Variants in POMT2 observed in about 807,000 individuals in gnomAD.
POMT2 encodes the protein protein O-mannosyltransferase 2.
In POMT2, 75 loss-of-function variants were observed where a neutral mutation model predicts 100.0. That is an observed-to-expected ratio of 0.75 (90% CI 0.62 to 0.91). POMT2 has a LOEUF of 0.91. Among genes scored for constraint, POMT2 ranks in the 40% least tolerant of loss-of-function variants. The pLI, the probability that POMT2 is intolerant of heterozygous loss-of-function variation, is 0.00. For missense variants in POMT2, 940 were observed against 955.1 expected (o/e 0.98, Z 0.21); for synonymous variants, 378 against 374.1 (o/e 1.01, Z -0.12).
At position 77,288,758 on chromosome 14, in the gene POMT2, T is replaced by A. The variant is rs1323752812; in HGVS notation, c.1253+4A>T. ...TTATTTATCCAAACTGCAAATTGAC[T>A]TACTCTTTGTGTTCTAGTCGAATAA... On this transcript the variant is annotated splice_donor_region_variant and intron_variant, in intron 11 of 20. Coordinates refer to ENST00000261534, the MANE Select transcript of POMT2 (RefSeq NM_013382.7). 1 of 1,613,172 alleles carries A rather than the reference T, an allele frequency of 6.2e-7. No individual in the cohort carries two copies. Among genetic ancestry groups the A allele is most frequent in the Non-Finnish European group, 8.5e-7 (1 of 1,179,334 alleles).
chr14:77,312,166 A>C, intron 1 of POMT2, 133 bp from the exon 2 acceptor site: 1 of 1,411,094 alleles, frequency 7.1e-7, no homozygotes, highest in Non-Finnish European at 9.4e-7. Flanking sequence ...TTTAAAAAAA[A>C]AATATTTTGA....
In POMT2 at chr14:77,286,836, A is replaced by T; in HGVS notation, c.1254-14T>A. The T allele has an allele frequency of 6.2e-7, 1 of 1,614,200 alleles. No individual in the cohort carries two copies. The highest frequency in any genetic ancestry group is 8.5e-7 in the Non-Finnish European group (1 of 1,180,024). Reference sequence around the variant, plus strand: ...TTCCGGGAAGTTCTAGAAGTTAGAAAAGAGAAGTGTCATTATCCTATAGAA... The same window carrying T: ...TTCCGGGAAGTTCTAGAAGTTAGAATAGAGAAGTGTCATTATCCTATAGAA... On this transcript the variant is annotated splice_polypyrimidine_tract_variant and intron_variant, in intron 11 of 20. Coordinates refer to ENST00000261534, the MANE Select transcript of POMT2 (RefSeq NM_013382.7).
Position 77,277,278 on chromosome 14 carries a change from C to A in POMT2, c.*98G>T. 3 of 1,062,888 alleles carry A rather than the reference C, an allele frequency of 2.8e-6. No individual in the cohort carries two copies. In the Admixed American group the frequency reaches 5.7e-5, roughly 20 times the overall value. The allele number at this position is 1,062,888 out of a possible 1,614,324, so 65.8% of individuals were successfully genotyped here. A position where few individuals can be genotyped will look rare whatever the true frequency, so the allele number is the denominator to read the frequency against. ...GGTGAGCAGCAGAATTCTTCGGGCT[C>A]CTTAGGCAGCTTCCTCATGGCCGGA... On this transcript the variant is annotated 3_prime_UTR_variant, in exon 21 of 21. Coordinates refer to ENST00000261534, the MANE Select transcript of POMT2 (RefSeq NM_013382.7).
At chr14:77,320,357 CG>C (rs1891820912) in intron 1 of POMT2, 76 bp downstream of exon 1, 2 of 1,539,236 alleles carry the variant, frequency 1.3e-6, no homozygotes, top group African/African-American at 2.7e-5. Context: ...CCGCCCCCTC[CG>C]TACCCTCGGG....
chr14:77,314,205 G>A (rs75210224), intron 1 of POMT2, among the ~76,000 whole-genome samples: 31 of 152,272 alleles, frequency 2.0e-4, no homozygotes, highest in East Asian at 1.9e-3. Context: ...CTCCCTCTGA[G>A]ACAGAGGGCT....
intron 3 of POMT2, 21 bp from the exon 4 acceptor site, chr14:77,304,821 C>T (rs999282581): frequency 2.6e-6 from 4 of 1,567,884 alleles, no homozygotes; most frequent in Non-Finnish European, 3.5e-6. Flanking sequence ...AATAGAGAAG[C>T]TGTCAAATAA....
At chr14:77,278,936 G>A in intron 18 of POMT2, 67 bp from the exon 19 acceptor site, 1 of 1,543,756 alleles carries the variant, frequency 6.5e-7, no homozygotes, top group Middle Eastern at 1.7e-4. Context: ...CTCTGGTCCA[G>A]CTCTGCCCCT....
intron 13 of POMT2, 25 bp downstream of exon 13, chr14:77,285,456 G>A: frequency 6.2e-7 from 1 of 1,613,944 alleles, no homozygotes. Flanking sequence ...CCCTCGATTG[G>A]GACAGCAAAA....
At chr14:77,279,616 C>T (rs1337851861) in intron 18 of POMT2, 5 of 689,790 alleles carry the variant, frequency 7.2e-6, no homozygotes, top group Non-Finnish European at 1.1e-5. Context: ...TCATAATAGC[C>T]AACGCTCTAG....
chr14:77,303,930 G>A (rs1891141101), intron 4 of POMT2, among the ~76,000 whole-genome samples: 1 of 152,158 alleles, frequency 6.6e-6, no homozygotes, highest in Non-Finnish European at 1.5e-5. Flanking sequence ...GAGCTGGGTA[G>A]GTGCTTGAGA....
intron 1 of POMT2, among the ~76,000 whole-genome samples, chr14:77,315,259 A>T (rs1891583762): frequency 6.6e-6 from 1 of 152,132 alleles, no homozygotes; most frequent in Non-Finnish European, 1.5e-5. Flanking sequence ...ACCCTGAGGG[A>T]GCGACACTGG....
intron 20 of POMT2, 130 bp downstream of exon 20, chr14:77,278,264 G>C (rs921260297): frequency 1.5e-4 from 121 of 797,596 alleles, no homozygotes; most frequent in Non-Finnish European, 1.9e-4. Flanking sequence ...ACCTGGGCTT[G>C]GGTGACGCAG....
In POMT2 at chr14:77,278,709, T is replaced by C. The variant is rs1465166255; in HGVS notation, c.2032+20A>G. The C allele has an allele frequency of 6.2e-7, 1 of 1,613,510 alleles. No individual in the cohort carries two copies. The highest frequency in any genetic ancestry group is 1.7e-5 in the Admixed American group (1 of 60,016). On this transcript the variant is annotated intron_variant, in intron 19 of 20. Coordinates refer to ENST00000261534, the MANE Select transcript of POMT2 (RefSeq NM_013382.7). Reference sequence around the variant, plus strand: ...CCCTCCACCTGCTCTGTCTCCCAAGTCCAGGTGGGTGGCACTGACCTGTCA... The same window carrying C: ...CCCTCCACCTGCTCTGTCTCCCAAGCCCAGGTGGGTGGCACTGACCTGTCA...
In POMT2 at chr14:77,277,162, T is replaced by C; in HGVS notation, c.*214A>G. ...GGGAGCAGCCCAAGAGGCGCTGTCC[T>C]CTCCGTGGTGCTGTGGACGGAGCTG... is the stretch of plus-strand genomic sequence containing the variant. On this transcript the variant is annotated 3_prime_UTR_variant, in exon 21 of 21. Transcript: ENST00000261534. 1 of 584,906 alleles carries C rather than the reference T, an allele frequency of 1.7e-6. No homozygotes were observed. The highest frequency in any genetic ancestry group is 1.9e-5 in the South Asian group (1 of 52,912). The allele number at this position is 584,906 out of a possible 1,614,324, so 36.2% of individuals were successfully genotyped here.
At chr14:77,293,969 A>G (rs1890732794) in intron 9 of POMT2, among the ~76,000 whole-genome samples, 2 of 152,200 alleles carry the variant, frequency 1.3e-5, no homozygotes, top group Admixed American at 1.3e-4. Context: ...CTGGGTGTAC[A>G]TGACTTAGAA....
intron 1 of POMT2, 151 bp downstream of exon 1, chr14:77,320,283 C>A (rs8177535): frequency 1.1e-5 from 15 of 1,360,434 alleles, no homozygotes; most frequent in Non-Finnish European, 1.3e-5. Context: ...GAATGCACCT[C>A]GCCAGAGGCC....
At chr14:77,299,596 G>GT in intron 6 of POMT2, 35 bp from the exon 7 acceptor site, 1 of 1,485,126 alleles carries the variant, frequency 6.7e-7, no homozygotes, top group Non-Finnish European at 9.4e-7. Context: ...TGCTAGGCAT[G>GT]TGAGACCTCA....
In POMT2 at chr14:77,320,811, G is replaced by A. The variant is rs1481645121; in HGVS notation, c.-130C>T. 7.2e-7 allele frequency: 1 copy of A among 1,389,196 alleles called. No homozygotes were observed. Among genetic ancestry groups the A allele is most frequent in the Admixed American group, 3.4e-5 (1 of 28,998 alleles). 86.1% of individuals were successfully genotyped at this position (1,389,196 alleles called of 1,614,324 possible). On this transcript the variant is annotated 5_prime_UTR_variant, in exon 1 of 21. Coordinates refer to ENST00000261534, the MANE Select transcript of POMT2 (RefSeq NM_013382.7). ...GCAACGCCCTTCACTGCAGCGGAGCGCGGGGCCCCGGGCTCGGGGCGGGGC... is the reference window on the plus strand; with the variant it reads ...GCAACGCCCTTCACTGCAGCGGAGCACGGGGCCCCGGGCTCGGGGCGGGGC...
intron 1 of POMT2, among the ~76,000 whole-genome samples, chr14:77,315,309 A>C (rs1891585637): frequency 6.6e-6 from 1 of 152,198 alleles, no homozygotes; most frequent in Non-Finnish European, 1.5e-5. Flanking sequence ...CTAAAGGAGC[A>C]GAAAAAGCTT....
Sources: gnomAD v4.1 joint callset for allele counts (sites outside exome capture counted in the v4.1 genomes callset) on GRCh38, gnomAD v4.1.1 for gene constraint, MANE v1.5 for transcripts, NCBI Gene and HGNC (gene_info 2026-07-23, HGNC 2026-07-21) for gene names.